The following PARP6 variants were observed in gnomAD, a reference collection of about 807,000 sequenced individuals.
PARP6 encodes the protein poly(ADP-ribose) polymerase family member 6.
A neutral mutation model predicts 92.0 loss-of-function variants in PARP6; 27 were observed. The ratio of observed to expected loss-of-function variants is 0.29; its 90% CI spans 0.22 to 0.40. The LOEUF is 0.40. Ranked by LOEUF, PARP6 falls within the 10% of genes least tolerant of loss-of-function variation. PARP6 has a pLI of 1.00. For missense variants in PARP6, 501 were observed against 784.5 expected (o/e 0.64, Z 4.32); for synonymous variants, 272 against 281.2 (o/e 0.97, Z 0.33).
chr15:72,272,062 G>T (rs1277568940), intron 1 of PARP6, among the ~76,000 whole-genome samples: 1 of 152,156 alleles, frequency 6.6e-6, no homozygotes, highest in Non-Finnish European at 1.5e-5. Flanking sequence ...CTCAGGAGTA[G>T]GCCACTAAAC....
intron 11 of PARP6, among the ~76,000 whole-genome samples, chr15:72,258,490 A>G (rs1567208530): frequency 1.3e-5 from 2 of 152,252 alleles, no homozygotes; most frequent in Non-Finnish European, 2.9e-5. Flanking sequence ...GATGATGTCC[A>G]TGAAGGCATT....
In PARP6 at chr15:72,265,425, G is replaced by A; in HGVS notation, c.225C>T (p.Ile75=). 1 of 1,613,574 alleles carries A rather than the reference G, an allele frequency of 6.2e-7. No individual in the cohort carries two copies. Among genetic ancestry groups the A allele is most frequent in the Non-Finnish European group, 8.5e-7 (1 of 1,179,432 alleles). Residue 75 remains isoleucine, a synonymous_variant, in exon 6 of 24, where the codon ATC becomes ATT. Coordinates refer to ENST00000569795, the MANE Select transcript of PARP6 (RefSeq NM_001323532.2). ...TAGCCCCACTTACATCGAGGAAGCTGATGTTGATGTGGAGGTCAATGTCCA... is the reference window on the plus strand; with the variant it reads ...TAGCCCCACTTACATCGAGGAAGCTAATGTTGATGTGGAGGTCAATGTCCA... ...DDVDIDLHIN[I]SFLDEEVSTA...
In PARP6 at chr15:72,265,175, AAAG is replaced by A. The variant is rs780939647; in HGVS notation, c.238-7_238-5del. 27 of 1,599,668 alleles carry A rather than the reference AAAG, an allele frequency of 1.7e-5. No homozygotes were observed. Among genetic ancestry groups the A allele is most frequent in the South Asian group, 6.6e-5 (6 of 90,620 alleles). ...TCCAGGCTGTAGAGACTTCCTCCTA[AAAG>A]AAGAAGGGAAATAGTTTCCAGTTTA... On this transcript the variant is annotated splice_region_variant and splice_polypyrimidine_tract_variant and intron_variant, in intron 6 of 23. Coordinates refer to ENST00000569795, the MANE Select transcript of PARP6 (RefSeq NM_001323532.2).
chr15:72,268,817 A>C (rs1233160071), intron 2 of PARP6, among the ~76,000 whole-genome samples: 2 of 152,184 alleles, frequency 1.3e-5, no homozygotes, highest in Non-Finnish European at 2.9e-5. Context: ...AAAATGCAAT[A>C]ATTATCCCAA....
intron 2 of PARP6, among the ~76,000 whole-genome samples, chr15:72,270,026 A>C (rs138239437): frequency 3.9e-5 from 6 of 152,346 alleles, no homozygotes; most frequent in African/African-American, 1.4e-4. Flanking sequence ...TTCTAGTTCT[A>C]GATCCTTGTG....
At chr15:72,244,387 T>C (rs1027924845) in intron 20 of PARP6, 2 of 152,268 alleles carry the variant, frequency 1.3e-5, no homozygotes, top group Non-Finnish European at 2.9e-5. Context: ...CCTGAGATCA[T>C]GGTGGCTAGA....
At chr15:72,254,333 CTA>C (rs1491263398) in intron 15 of PARP6, 120 bp downstream of exon 15, 3 of 682,762 alleles carry the variant, frequency 4.4e-6, no homozygotes, top group Non-Finnish European at 7.7e-6. Context: ...AGAGGAAAGA[CTA>C]AAAAAAAAAT....
chr15:72,262,709 TTCTTC>T (rs1366685693), intron 8 of PARP6, among the ~76,000 whole-genome samples: 3 of 152,084 alleles, frequency 2.0e-5, no homozygotes, highest in Admixed American at 2.0e-4. Flanking sequence ...AACTCCCAGG[TTCTTC>T]TCTTATCTTC....
intron 8 of PARP6, 84 bp from the exon 9 acceptor site, chr15:72,261,791 T>A: frequency 1.5e-6 from 2 of 1,378,862 alleles, no homozygotes; most frequent in South Asian, 2.4e-5. Flanking sequence ...AATCTAAAAT[T>A]CAGACCCAAG....
intron 8 of PARP6, 45 bp from the exon 9 acceptor site, chr15:72,261,752 C>G (rs2085920208): frequency 1.9e-6 from 3 of 1,594,380 alleles, no homozygotes; most frequent in African/African-American, 2.7e-5. Context: ...GAGGCAGGGT[C>G]AAGAAATAAG....
chr15:72,248,364 C>T (rs747070097), intron 20 of PARP6, among the ~76,000 whole-genome samples: 6 of 149,998 alleles, frequency 4.0e-5, no homozygotes, highest in African/African-American at 7.4e-5. Context: ...TTTTTTGAGA[C>T]GGGGTCTCCC....
chr15:72,255,443 AG>A (rs1015224714), intron 14 of PARP6, among the ~76,000 whole-genome samples: 17 of 152,102 alleles, frequency 1.1e-4, no homozygotes, highest in African/African-American at 4.1e-4. Context: ...CAGTAGAGAC[AG>A]GGTTTCACCA....
At chr15:72,265,343 C>T in intron 6 of PARP6, 70 bp downstream of exon 6, 2 of 1,344,946 alleles carry the variant, frequency 1.5e-6, no homozygotes, top group South Asian at 1.2e-5. Context: ...GGGAACAAGA[C>T]TCCTGGCCTA....
intron 20 of PARP6, among the ~76,000 whole-genome samples, chr15:72,248,896 A>G (rs572974870): frequency 2.0e-5 from 3 of 152,238 alleles, no homozygotes; most frequent in Non-Finnish European, 4.4e-5. Context: ...ATGTTTTCAC[A>G]TGTAAACTTA....
intron 16 of PARP6, among the ~76,000 whole-genome samples, chr15:72,251,820 T>G (rs1023117544): frequency 6.6e-6 from 1 of 152,190 alleles, no homozygotes; most frequent in South Asian, 2.1e-4. Flanking sequence ...CAGACTAAGC[T>G]CTATACAGGC....
intron 8 of PARP6, among the ~76,000 whole-genome samples, chr15:72,264,331 T>C (rs535014397): frequency 5.1e-4 from 77 of 152,364 alleles, no homozygotes; most frequent in Non-Finnish European, 7.9e-4. Flanking sequence ...GAGCCTCTTT[T>C]ATCTCTAGAA....
At chr15:72,264,936 T>C (rs572794551) in intron 7 of PARP6, 145 bp downstream of exon 7, 6 of 630,666 alleles carry the variant, frequency 9.5e-6, no homozygotes, top group Non-Finnish European at 1.7e-5. Context: ...AAGATACCAA[T>C]TACAGGGGAC....
At chr15:72,253,058 G>T (rs2084588240) in intron 16 of PARP6, among the ~76,000 whole-genome samples, 1 of 151,402 alleles carries the variant, frequency 6.6e-6, no homozygotes, top group Admixed American at 6.6e-5. Flanking sequence ...ACATGCCTGT[G>T]GTCCCAGCTA....
chr15:72,267,279 C>A (rs1276997258), intron 3 of PARP6, 196 bp downstream of exon 3: 15 of 625,410 alleles, frequency 2.4e-5, no homozygotes, highest in South Asian at 1.7e-4. Flanking sequence ...ACTCTCCTCT[C>A]CCTCCCCAAG....
Sources: allele counts gnomAD v4.1 joint callset (sites outside exome capture counted in the v4.1 genomes callset), GRCh38; gene constraint gnomAD v4.1.1; transcripts MANE v1.5; gene names NCBI Gene and HGNC (gene_info 2026-07-23, HGNC 2026-07-21).